NALCN: variants seen among roughly 807,000 people sequenced by gnomAD.
NALCN encodes the protein sodium leak channel, non-selective, also known as sodium leak channel NALCN.
A neutral mutation model predicts 225.3 loss-of-function variants in NALCN; 111 were observed. That is an observed-to-expected ratio of 0.49 (90% CI 0.42 to 0.58). The LOEUF is 0.58. Ranked by LOEUF, NALCN falls within the 20% of genes least tolerant of loss-of-function variation. NALCN has a pLI of 0.00. For missense variants in NALCN, 1,378 were observed against 2,202.4 expected (o/e 0.63, Z 7.49); for synonymous variants, 764 against 769.0 (o/e 0.99, Z 0.11).
chr13:101,378,727 A>C (rs1423562999), intron 3 of NALCN, 74 bp from the exon 4 acceptor site: 5 of 1,253,298 alleles, frequency 4.0e-6, no homozygotes, highest in African/African-American at 1.5e-5. Context: ...GGAAAATGTC[A>C]AATATTATTT....
At chr13:101,409,350 T>C (rs2047713150) in intron 1 of NALCN, among the ~76,000 whole-genome samples, 1 of 152,190 alleles carries the variant, frequency 6.6e-6, no homozygotes, top group Non-Finnish European at 1.5e-5. Flanking sequence ...TTACATTCAC[T>C]ATAAAATGTT....
At chr13:101,082,445 A>G (rs904695515) in intron 33 of NALCN, among the ~76,000 whole-genome samples, 1 of 152,170 alleles carries the variant, frequency 6.6e-6, no homozygotes, top group Non-Finnish European at 1.5e-5. Context: ...AAGCAATATT[A>G]TGAGAATCAC....
intron 17 of NALCN, among the ~76,000 whole-genome samples, chr13:101,139,141 T>A (rs1280565915): frequency 6.6e-6 from 1 of 152,188 alleles, no homozygotes; most frequent in Non-Finnish European, 1.5e-5. Context: ...ACAGGTATTT[T>A]AAACTGTATA....
At chr13:101,097,814 C>G (rs1248691324) in intron 27 of NALCN, among the ~76,000 whole-genome samples, 2 of 152,180 alleles carry the variant, frequency 1.3e-5, no homozygotes, top group Non-Finnish European at 2.9e-5. Flanking sequence ...CCCTAACTTA[C>G]ATTTCTGGCC....
chr13:101,198,690 G>A (rs563946171), intron 13 of NALCN, among the ~76,000 whole-genome samples: 1,925 of 152,268 alleles, frequency 0.013, 15 homozygotes, highest in South Asian at 0.03. Context: ...TACACTGTTG[G>A]TGGGACTGCA....
intron 7 of NALCN, among the ~76,000 whole-genome samples, chr13:101,311,843 C>A (rs201322226): frequency 6.6e-6 from 1 of 151,542 alleles, no homozygotes; most frequent in African/African-American, 2.4e-5. Context: ...TGTCTCTGCC[C>A]GGCTTTGGTA....
At chr13:101,059,278 AC>A (rs1408011008) in intron 42 of NALCN, 2 of 152,244 alleles carry the variant, frequency 1.3e-5, no homozygotes, top group Admixed American at 1.3e-4. Context: ...ATAAATAGAA[AC>A]TCCTCAAGCC....
intron 7 of NALCN, among the ~76,000 whole-genome samples, chr13:101,302,848 C>T (rs1338288208): frequency 6.8e-6 from 1 of 146,292 alleles, no homozygotes; most frequent in African/African-American, 2.4e-5. Flanking sequence ...GCTTCCAAAG[C>T]CTGAAAACAT....
At chr13:101,413,793 G>GA (rs1339715278) in intron 1 of NALCN, among the ~76,000 whole-genome samples, 1 of 152,190 alleles carries the variant, frequency 6.6e-6, no homozygotes, top group Non-Finnish European at 1.5e-5. Context: ...TTGAAGGTAT[G>GA]AAAATCTGTG....
chr13:101,396,028 A>AT (rs111909529), intron 2 of NALCN, among the ~76,000 whole-genome samples: 42 of 152,196 alleles, frequency 2.8e-4, no homozygotes, highest in South Asian at 2.5e-3. Flanking sequence ...AAATGCATAG[A>AT]TTTTTTCTCT....
rs574068670 is a variant in NALCN at position 101,244,589 on chromosome 13, C to A, written c.1267-6667G>T. Among the ~76,000 whole-genome samples, 3 of 152,298 alleles carry A rather than the reference C, an allele frequency of 2.0e-5. No homozygotes were observed. The East Asian group carries it at 5.8e-4, about 29-fold the overall frequency. ...TTTTACAAGCCAACACTCTAGCTCT[C>A]TGAAATATTCATGCCAAAGTGATAA... On this transcript the variant is annotated intron_variant, in intron 11 of 43. Coordinates refer to ENST00000251127, the MANE Select transcript of NALCN (RefSeq NM_052867.4).
chr13:101,279,832 A>T (rs1221062875), intron 10 of NALCN, among the ~76,000 whole-genome samples: 3 of 48,192 alleles, frequency 6.2e-5, no homozygotes, highest in Admixed American at 4.6e-4. Context: ...ATAAATAAAT[A>T]AATAAAATAA....
intron 14 of NALCN, among the ~76,000 whole-genome samples, chr13:101,183,603 G>T (rs1000991523): frequency 6.6e-6 from 1 of 152,096 alleles, no homozygotes; most frequent in South Asian, 2.1e-4. Flanking sequence ...GGGATTTTAG[G>T]TGCCTGCCAC....
intron 2 of NALCN, among the ~76,000 whole-genome samples, chr13:101,395,802 G>A (rs867836403): frequency 2.4e-4 from 37 of 151,848 alleles, no homozygotes; most frequent in Middle Eastern, 6.8e-3. Context: ...TGTACTATAA[G>A]TACCTAGAAT....
At chr13:101,218,292 A>G (rs1362862644) in intron 13 of NALCN, among the ~76,000 whole-genome samples, 1 of 152,148 alleles carries the variant, frequency 6.6e-6, no homozygotes, top group African/African-American at 2.4e-5. Context: ...GCTGTGGTAA[A>G]AAAGCTCCAC....
chr13:101,243,817 T>G lies in NALCN; in HGVS notation c.1267-5895A>C, dbSNP rs1454844901. ...CCCACAGGACTCTGTGGACTGCTCC[T>G]GGACCACAAGCAGCATACAGGCAGG... On this transcript the variant is annotated intron_variant, in intron 11 of 43. Coordinates refer to ENST00000251127, the MANE Select transcript of NALCN (RefSeq NM_052867.4). Among the ~76,000 whole-genome samples the G allele has an allele frequency of 1.9e-5, 2 of 103,582 alleles. 1 individual carries two copies. Among genetic ancestry groups the G allele is most frequent in the African/African-American group, 6.9e-5 (2 of 28,814 alleles). 68.0% of individuals were successfully genotyped at this position (103,582 alleles called of 152,430 possible). A position where few individuals can be genotyped will look rare whatever the true frequency, so the allele number is the denominator to read the frequency against.
chr13:101,184,374 G>A (rs550579948), intron 14 of NALCN, among the ~76,000 whole-genome samples: 44 of 152,232 alleles, frequency 2.9e-4, no homozygotes, highest in South Asian at 8.3e-4. Context: ...TCTCACAGGC[G>A]TTTGATTTCT....
intron 11 of NALCN, among the ~76,000 whole-genome samples, chr13:101,253,434 A>G (rs1041200721): frequency 1.3e-5 from 2 of 152,200 alleles, no homozygotes; most frequent in African/African-American, 4.8e-5. Flanking sequence ...TTTTTAAAAT[A>G]AACTTTTCAA....
Position 101,292,537 on chromosome 13 carries a change from A to C in NALCN, c.800-171T>G, listed in dbSNP as rs2043592447. Among the ~76,000 whole-genome samples, 1 of 152,222 alleles carries C rather than the reference A, an allele frequency of 6.6e-6. No individual in the cohort carries two copies. The highest frequency in any genetic ancestry group is 2.4e-5 in the African/African-American group (1 of 41,468). On this transcript the variant is annotated intron_variant, in intron 7 of 43. Coordinates refer to ENST00000251127, the MANE Select transcript of NALCN (RefSeq NM_052867.4). This position sits in a 1 kb window ranked among gnomAD's most constrained non-coding sequence, Gnocchi z 4.3. ...ATTTTACTGTTCTCTTAAAATTTTA[A>C]TAAAGTTGTTTCTGACTTCAAGCCA...
Sources: allele counts gnomAD v4.1 joint callset (sites outside exome capture counted in the v4.1 genomes callset), GRCh38; gene constraint gnomAD v4.1.1; non-coding constraint Gnocchi (gnomAD v3.1); transcripts MANE v1.5; gene names NCBI Gene and HGNC (gene_info 2026-07-23, HGNC 2026-07-21).